ANK1: variants seen among roughly 807,000 people sequenced by gnomAD.
ANK1 encodes the protein ankyrin-1.
ANK1 carries 51 observed loss-of-function variants against 210.4 expected under a neutral mutation model. That is an observed-to-expected ratio of 0.24 (90% CI 0.19 to 0.31). The LOEUF (loss-of-function observed/expected upper bound fraction) is 0.31. ANK1 is among the 10% of genes least tolerant of loss of function. The pLI, the probability that ANK1 is intolerant of heterozygous loss-of-function variation, is 1.00. For missense variants in ANK1, 2,051 were observed against 2,504.4 expected (o/e 0.82, Z 3.86); for synonymous variants, 967 against 1,025.9 (o/e 0.94, Z 1.10).
At chr8:41,784,232 C>T (rs114921652) in intron 1 of ANK1, among the ~76,000 whole-genome samples, 2,131 of 152,242 alleles carry the variant, frequency 0.014, 53 homozygotes, top group African/African-American at 0.05. Context: ...CTATATTTCT[C>T]TACCCCACTC....
intron 35 of ANK1, among the ~76,000 whole-genome samples, chr8:41,686,731 C>T (rs545626770): frequency 8.5e-4 from 130 of 152,284 alleles, no homozygotes; most frequent in African/African-American, 3.0e-3. Flanking sequence ...CCAATGAGAA[C>T]AGAAATGGAC....
intron 1 of ANK1, among the ~76,000 whole-genome samples, chr8:41,825,176 G>C (rs887733644): frequency 6.6e-6 from 1 of 152,244 alleles, no homozygotes; most frequent in African/African-American, 2.4e-5. Flanking sequence ...TGCAGCCACT[G>C]CTCGCCCGAC....
chr8:41,885,853 G>A (rs1296770908), intron 1 of ANK1, among the ~76,000 whole-genome samples: 3 of 152,164 alleles, frequency 2.0e-5, no homozygotes, highest in East Asian at 1.9e-4. Context: ...GACTTGGGCT[G>A]TTTCTGATTC....
intron 2 of ANK1, among the ~76,000 whole-genome samples, chr8:41,748,102 C>T (rs951072520): frequency 1.3e-5 from 2 of 152,144 alleles, no homozygotes; most frequent in Admixed American, 6.5e-5. Flanking sequence ...TCAGCATTAA[C>T]GGTGTCGCAG....
intron 31 of ANK1, 93 bp downstream of exon 31, chr8:41,692,555 G>T: frequency 7.8e-7 from 1 of 1,286,256 alleles, no homozygotes; most frequent in South Asian, 1.2e-5. Flanking sequence ...CGTCTACAGA[G>T]GGAGGACTGC....
At chr8:41,886,057 T>A (rs944054815) in intron 1 of ANK1, among the ~76,000 whole-genome samples, 1 of 152,226 alleles carries the variant, frequency 6.6e-6, no homozygotes, top group Non-Finnish European at 1.5e-5. Flanking sequence ...AGGACGTTCA[T>A]CTTTTAAGTC....
intron 1 of ANK1, among the ~76,000 whole-genome samples, chr8:41,782,974 C>A (rs1374721016): frequency 6.6e-6 from 1 of 152,178 alleles, no homozygotes; most frequent in Admixed American, 6.5e-5. Flanking sequence ...CATCCCAAAT[C>A]CATTTCATCT....
chr8:41,806,248 T>A (rs1363011013), intron 1 of ANK1, among the ~76,000 whole-genome samples: 2 of 152,138 alleles, frequency 1.3e-5, no homozygotes, highest in African/African-American at 4.8e-5. Context: ...GGACAAGAAC[T>A]CAGTGAGTGG....
intron 1 of ANK1, among the ~76,000 whole-genome samples, chr8:41,890,695 C>A (rs533885523): frequency 1.8e-4 from 23 of 129,192 alleles, no homozygotes; most frequent in Admixed American, 1.8e-4. Context: ...GGTGACAGAG[C>A]GAGACTCCGT....
chr8:41,697,600 T>C (rs1821429746), intron 24 of ANK1: 42 of 336,048 alleles, frequency 1.2e-4, no homozygotes, highest in South Asian at 1.0e-3. Flanking sequence ...ACTGGGTTCA[T>C]GCGTCCGAGT....
At chr8:41,776,663 G>A (rs566841205) in intron 1 of ANK1, among the ~76,000 whole-genome samples, 18 of 152,284 alleles carry the variant, frequency 1.2e-4, no homozygotes, top group Admixed American at 6.5e-4. Flanking sequence ...GCTTCCACTG[G>A]CTAAATGCTG....
At chr8:41,718,254 C>T (rs771328099) in intron 10 of ANK1, 50 bp from the exon 11 acceptor site, 6 of 1,584,340 alleles carry the variant, frequency 3.8e-6, no homozygotes, top group Non-Finnish European at 4.3e-6. Flanking sequence ...ACACACGGGC[C>T]CAAGGAACGC....
chr8:41,864,895 AAAC>A (rs1410785745), intron 1 of ANK1, among the ~76,000 whole-genome samples: 2 of 152,240 alleles, frequency 1.3e-5, no homozygotes, highest in Non-Finnish European at 2.9e-5. Flanking sequence ...TTCACAGCCC[AAAC>A]AACTCAGCTT....
At chr8:41,871,081 C>G (rs1024822080) in intron 1 of ANK1, among the ~76,000 whole-genome samples, 1 of 152,196 alleles carries the variant, frequency 6.6e-6, no homozygotes, top group Admixed American at 6.5e-5. Flanking sequence ...ACGGGCCACA[C>G]CTTTGACTCT....
At chr8:41,790,144 CTT>C (rs112954712) in intron 1 of ANK1, among the ~76,000 whole-genome samples, 12 of 136,916 alleles carry the variant, frequency 8.8e-5, no homozygotes, top group Admixed American at 1.5e-4. Context: ...GGAAAGGAAT[CTT>C]TTTTTTTTTT....
chr8:41,807,054 TTCATTCATTTGTTCA>T (rs1851073224), intron 1 of ANK1, among the ~76,000 whole-genome samples: 1 of 152,268 alleles, frequency 6.6e-6, no homozygotes, highest in Non-Finnish European at 1.5e-5. Context: ...TATGTTCTCA[TTCATTCATTTGTTCA>T]TCATTCATTT....
chr8:41,768,800 C>A (rs1389001278), intron 1 of ANK1, among the ~76,000 whole-genome samples: 53 of 130,866 alleles, frequency 4.0e-4, no homozygotes, highest in African/African-American at 5.2e-4. Flanking sequence ...CCTGTCTCCA[C>A]AAAAAAAAAA....
intron 1 of ANK1, among the ~76,000 whole-genome samples, chr8:41,813,352 A>G (rs1318963598): frequency 2.6e-5 from 4 of 152,162 alleles, no homozygotes; most frequent in African/African-American, 9.7e-5. Context: ...AGAAATTCTG[A>G]AATGTTAGCT....
At chr8:41,833,316 A>C (rs1326629396) in intron 1 of ANK1, among the ~76,000 whole-genome samples, 2 of 152,152 alleles carry the variant, frequency 1.3e-5, no homozygotes, top group East Asian at 3.9e-4. Context: ...TCACCTTCCA[A>C]GTGCCCCGTG....
Sources: allele counts gnomAD v4.1 joint callset (sites outside exome capture counted in the v4.1 genomes callset), GRCh38; gene constraint gnomAD v4.1.1; transcripts MANE v1.5; gene names NCBI Gene and HGNC (gene_info 2026-07-23, HGNC 2026-07-21).